SLF2: variants seen among roughly 807,000 people sequenced by gnomAD.
SLF2 encodes SMC5-SMC6 complex localization factor protein 2.
SLF2 carries 68 observed loss-of-function variants against 124.3 expected under a neutral mutation model. That is an observed-to-expected ratio of 0.55 (90% CI 0.45 to 0.67). SLF2 has a LOEUF of 0.67. Ranked by LOEUF, SLF2 falls within the 30% of genes least tolerant of loss-of-function variation. The pLI is 0.00. For synonymous variants in SLF2, 480 were observed against 478.8 expected (o/e 1.00, Z -0.03); for missense variants, 1,246 against 1,373.7 (o/e 0.91, Z 1.47).
chr10:100,937,414 C>T lies in SLF2; in HGVS notation c.2449C>T (p.His817Tyr). The change falls in exon 10 of 20, where the codon CAT becomes TAT. Residue 817 changes from histidine to tyrosine, a missense_variant. Coordinates refer to ENST00000238961, the MANE Select transcript of SLF2 (RefSeq NM_018121.4). The part of the protein sequence containing the change: ...LKWLFRMMSV[H>Y]TDCIVSVQIL... The stretch of plus-strand genomic sequence containing the variant: ...CTGCTTTTGACAGATGATGTCAGTT[C>T]ATACAGACTGTATTGTGTCAGTGCA... The T allele has an allele frequency of 6.2e-7, 1 of 1,608,640 alleles. No homozygotes were observed. Among genetic ancestry groups the T allele is most frequent in the Non-Finnish European group, 8.5e-7 (1 of 1,175,312 alleles).
intron 18 of SLF2, among the ~76,000 whole-genome samples, chr10:100,958,578 C>T (rs1850373401): frequency 6.6e-6 from 1 of 152,182 alleles, no homozygotes; most frequent in Non-Finnish European, 1.5e-5. Flanking sequence ...GAAAGCGACA[C>T]AGTGGTCTGT....
chr10:100,961,746 G>T, intron 19 of SLF2, 131 bp from the exon 20 acceptor site: 1 of 675,082 alleles, frequency 1.5e-6, no homozygotes, highest in Non-Finnish European at 2.4e-6. Flanking sequence ...AATTTTCAGA[G>T]AAGTCAATAT....
chr10:100,944,267 G>A (rs982904877), intron 12 of SLF2, 139 bp downstream of exon 12: 38 of 505,600 alleles, frequency 7.5e-5, no homozygotes, highest in South Asian at 2.4e-4. Flanking sequence ...AGGCCAGGGC[G>A]GGCAGATCAC....
rs1290179289 is a variant in SLF2, at chr10:100,958,843, T to TA, written c.3418-584dup. Among the ~76,000 whole-genome samples, 17 of 152,238 alleles carry TA rather than the reference T, an allele frequency of 1.1e-4. No homozygotes were observed. The East Asian group carries it at 1.7e-3, about 15-fold the overall frequency. On this transcript the variant is annotated intron_variant, in intron 18 of 19. Coordinates refer to ENST00000238961, the MANE Select transcript of SLF2 (RefSeq NM_018121.4). ...GAGTGATAGAGTTTGGGTTTTGTGT[T>TA]ACAGTTTCAGTTGTGCACAGACACT... is the stretch of plus-strand genomic sequence containing the variant.
intron 11 of SLF2, among the ~76,000 whole-genome samples, chr10:100,942,284 A>C (rs1849995705): frequency 6.6e-6 from 1 of 152,192 alleles, no homozygotes. Context: ...CTAGCTATAA[A>C]TCAGGAGTTC....
intron 15 of SLF2, 85 bp downstream of exon 15, chr10:100,947,932 T>C: frequency 4.2e-6 from 4 of 960,220 alleles, no homozygotes; most frequent in Non-Finnish European, 6.5e-6. Flanking sequence ...AAGTCAAAGG[T>C]CCTGGGGTCA....
intron 9 of SLF2, among the ~76,000 whole-genome samples, chr10:100,937,090 T>C (rs1849878389): frequency 1.3e-5 from 2 of 152,296 alleles, no homozygotes; most frequent in African/African-American, 2.4e-5. Context: ...ATTTTTATTT[T>C]TGTGGTACAA....
intron 3 of SLF2, among the ~76,000 whole-genome samples, chr10:100,917,676 A>C (rs984485071): frequency 6.6e-6 from 1 of 152,172 alleles, no homozygotes; most frequent in African/African-American, 2.4e-5. Flanking sequence ...TCCTGGGCTC[A>C]AATGATGCTC....
In SLF2 at chr10:100,952,787, A is replaced by T. The variant is rs1168149235; in HGVS notation, c.3330+2034A>T. Among the ~76,000 whole-genome samples, 3 of 150,974 alleles carry T rather than the reference A, an allele frequency of 2.0e-5. No individual in the cohort carries two copies. In the East Asian group the frequency reaches 6.1e-4, roughly 31 times the overall value. ...AACCCTGTCTCTACTAAAAATACAA[A>T]AATTAGCCGGGCGTGATGGTGGGCA... On this transcript the variant is annotated intron_variant, in intron 17 of 19. Coordinates refer to ENST00000238961, the MANE Select transcript of SLF2 (RefSeq NM_018121.4).
chr10:100,949,742 T>C (rs1158657220), intron 15 of SLF2, among the ~76,000 whole-genome samples: 2 of 152,048 alleles, frequency 1.3e-5, no homozygotes, highest in African/African-American at 4.8e-5. Context: ...ACTACAGGCA[T>C]GTGCCACCAT....
chr10:100,944,169 A>C, intron 12 of SLF2, 41 bp downstream of exon 12: 1 of 1,338,372 alleles, frequency 7.5e-7, no homozygotes, highest in Non-Finnish European at 1.0e-6. Flanking sequence ...CAGAGCTAGA[A>C]CCATTTAGTC....
chr10:100,950,880 G>C, intron 17 of SLF2, 127 bp downstream of exon 17: 1 of 714,450 alleles, frequency 1.4e-6, no homozygotes, highest in South Asian at 1.9e-5. Flanking sequence ...AATTGATTTT[G>C]CTATAAGAAT....
In SLF2 at chr10:100,924,413, C is replaced by A; in HGVS notation, c.1412C>A (p.Thr471Lys). The stretch of plus-strand genomic sequence containing the variant: ...AGCTCCACGACAAAGGAGAAGGAGA[C>A]AAAACTACCTTTACTTTCCCGTGTT... ...TASSTTKEKE[T>K]KLPLLSRVPS... Residue 471 changes from threonine to lysine, a missense_variant, in exon 5 of 20, where the codon ACA (threonine) becomes AAA (lysine). By Grantham distance (78) the Thr-to-Lys change is moderately conservative (BLOSUM62 -1). This residue lies in a region of SLF2 where 698 missense variants were observed against 708.9 expected (regional missense o/e 0.98). Coordinates refer to ENST00000238961, the MANE Select transcript of SLF2 (RefSeq NM_018121.4). 3.1e-6 allele frequency: 5 copies of A among 1,614,106 alleles called. No homozygotes were observed. Among genetic ancestry groups the A allele is most frequent in the South Asian group, 2.2e-5 (2 of 91,080 alleles).
Position 100,929,748 on chromosome 10 carries a change from G to C in SLF2, c.2166-82G>C, listed in dbSNP as rs932143782. 1.4e-5 allele frequency: 16 copies of C among 1,124,842 alleles called. No homozygotes were observed. The African/African-American group carries it at 1.4e-4, about 10-fold the overall frequency. 69.7% of individuals were successfully genotyped at this position (1,124,842 alleles called of 1,614,324 possible). A position where few individuals can be genotyped will look rare whatever the true frequency, so the allele number is the denominator to read the frequency against. On this transcript the variant is annotated intron_variant, in intron 7 of 19. Coordinates refer to ENST00000238961, the MANE Select transcript of SLF2 (RefSeq NM_018121.4). ...GGGATTAACATTGGCTTAAAAAATG[G>C]TTTTCTTTGCACCCAGCTTTTAAAT...
intron 4 of SLF2, among the ~76,000 whole-genome samples, chr10:100,919,932 T>A (rs1180782998): frequency 3.9e-5 from 6 of 152,250 alleles, no homozygotes; most frequent in Admixed American, 3.9e-4. Context: ...TAGAGGTGCA[T>A]TGCATTTTGA....
At chr10:100,944,231 C>T (rs560554630) in intron 12 of SLF2, 103 bp downstream of exon 12, 4 of 664,842 alleles carry the variant, frequency 6.0e-6, no homozygotes, top group Admixed American at 3.8e-5. Flanking sequence ...CGCGGTGGCT[C>T]ACGCCTGTAA....
chr10:100,928,062 C>CGAGAGAG (rs1849650728), intron 6 of SLF2, among the ~76,000 whole-genome samples: 2 of 76,930 alleles, frequency 2.6e-5, no homozygotes, highest in Admixed American at 1.5e-4. Context: ...CACACACACA[C>CGAGAGAG]ACACACGAGA....
chr10:100,916,139 C>T lies in SLF2; in HGVS notation c.184+97C>T, dbSNP rs147037658. ...ACCTACTCTAAACTGTTTTAGTAAA[C>T]GTAGTGTTCAAAATTGAAAATAAAA... On this transcript the variant is annotated intron_variant, in intron 2 of 19. Coordinates refer to ENST00000238961, the MANE Select transcript of SLF2 (RefSeq NM_018121.4). 438 of 856,286 alleles carry T rather than the reference C, an allele frequency of 5.1e-4. No individual in the cohort carries two copies. The African/African-American group carries it at 6.9e-3, about 13-fold the overall frequency. The allele number at this position is 856,286 out of a possible 1,614,324, so 53.0% of individuals were successfully genotyped here. A position where few individuals can be genotyped will look rare whatever the true frequency, so the allele number is the denominator to read the frequency against.
At chr10:100,955,757 A>C (rs1308345411) in intron 17 of SLF2, among the ~76,000 whole-genome samples, 2 of 152,116 alleles carry the variant, frequency 1.3e-5, no homozygotes, top group East Asian at 3.9e-4. Flanking sequence ...AAATATAAAA[A>C]TTAGCTGGGC....
Sources: gnomAD v4.1 joint callset for allele counts (sites outside exome capture counted in the v4.1 genomes callset) on GRCh38, gnomAD v4.1.1 for gene constraint, gnomAD v4.1.1 regional missense constraint, MANE v1.5 for transcripts, NCBI Gene and HGNC (gene_info 2026-07-23, HGNC 2026-07-21) for gene names.